AP5M1: variants seen among roughly 807,000 people sequenced by gnomAD.
The protein encoded by AP5M1 is AP-5 complex subunit mu-1.
AP5M1 carries 44 observed loss-of-function variants against 52.3 expected under a neutral mutation model. The ratio of observed to expected loss-of-function variants is 0.84; its 90% CI spans 0.66 to 1.08. The LOEUF is 1.08. AP5M1 is among the 50% of genes least tolerant of loss of function. AP5M1 has a pLI of 0.00. For missense variants in AP5M1, 526 were observed against 568.4 expected (o/e 0.93, Z 0.76); for synonymous variants, 213 against 199.0 (o/e 1.07, Z -0.59).
chr14:57,276,212 T>C (rs1885032330), intron 2 of AP5M1, among the ~76,000 whole-genome samples: 1 of 152,214 alleles, frequency 6.6e-6, no homozygotes, highest in African/African-American at 2.4e-5. Context: ...ATTGAGGTGT[T>C]CATGGATTAT....
intron 6 of AP5M1, among the ~76,000 whole-genome samples, chr14:57,284,333 A>G (rs1171354657): frequency 6.6e-6 from 1 of 152,208 alleles, no homozygotes; most frequent in Non-Finnish European, 1.5e-5. Flanking sequence ...TTAGATTAAG[A>G]TTATAGAGGG....
At position 57,282,025 on chromosome 14, in the gene AP5M1, G is replaced by A. The variant is rs1885190867; in HGVS notation, c.949-64G>A. 5.8e-6 allele frequency: 8 copies of A among 1,375,258 alleles called. 1 individual carries two copies. The highest frequency in any genetic ancestry group is 7.8e-6 in the Non-Finnish European group (8 of 1,025,104). 85.2% of individuals were successfully genotyped at this position (1,375,258 alleles called of 1,614,324 possible). On this transcript the variant is annotated intron_variant, in intron 3 of 7. Transcript: ENST00000261558. ...GTCATTAAAAGTAACTCTTTTCTCAGTTACTTTTGTTGTTTTAGACTCATT... is the reference window on the plus strand; with the variant it reads ...GTCATTAAAAGTAACTCTTTTCTCAATTACTTTTGTTGTTTTAGACTCATT...
rs888422022 is a variant in AP5M1 at position 57,269,216 on chromosome 14, CAG to C, written c.-98_-97del. The C allele has an allele frequency of 1.1e-5, 13 of 1,177,182 alleles. No homozygotes were observed. The African/African-American group carries it at 1.4e-4, about 12-fold the overall frequency. 72.9% of individuals were successfully genotyped at this position (1,177,182 alleles called of 1,614,324 possible). A position where few individuals can be genotyped will look rare whatever the true frequency, so the allele number is the denominator to read the frequency against. On this transcript the variant is annotated 5_prime_UTR_variant, in exon 1 of 8. The change creates a premature stop within an existing upstream ORF in the 5' untranslated region. Transcript: ENST00000261558. ...CCGGTATGCGGCGCAGGATGAGCCT[CAG>C]GGCTTCTGTTAAGAGTCTGTCTGAG... is the stretch of plus-strand genomic sequence containing the variant.
intron 1 of AP5M1, 93 bp from the exon 2 acceptor site, chr14:57,274,149 ACT>A: frequency 7.6e-7 from 1 of 1,320,608 alleles, no homozygotes; most frequent in Non-Finnish European, 1.0e-6. Flanking sequence ...TATTGTTATT[ACT>A]GTTTGCCTTA....
chr14:57,283,037 A>G lies in AP5M1; in HGVS notation c.1174+18A>G, dbSNP rs1885221496. 1 of 1,578,514 alleles carries G rather than the reference A, an allele frequency of 6.3e-7. No individual in the cohort carries two copies. Among genetic ancestry groups the G allele is most frequent in the Non-Finnish European group, 8.6e-7 (1 of 1,159,234 alleles). ...GATTATTGGTGAGCAAGTTTTATTT[A>G]TTGATTTTTTTTCTTTTCATTTACT... On this transcript the variant is annotated intron_variant, in intron 5 of 7. Coordinates refer to ENST00000261558, the MANE Select transcript of AP5M1 (RefSeq NM_018229.4).
chr14:57,283,301 T>C, intron 6 of AP5M1, 71 bp downstream of exon 6: 4 of 857,256 alleles, frequency 4.7e-6, no homozygotes, highest in Non-Finnish European at 7.3e-6. Flanking sequence ...TTCTAGTTGA[T>C]TTTTAATGTT....
chr14:57,284,547 G>A (rs1885262464), intron 6 of AP5M1, among the ~76,000 whole-genome samples: 1 of 152,158 alleles, frequency 6.6e-6, no homozygotes, highest in Non-Finnish European at 1.5e-5. Context: ...CTGAGTTAGT[G>A]TAGTGTCAAC....
In AP5M1 at chr14:57,293,679, A is replaced by G. The variant is rs1885489592; in HGVS notation, c.*4795A>G. ...CGTGCAGTCATATTTAATCAATAAA[A>G]CAGGATATATTTTGAAATTCACCAT... is the stretch of plus-strand genomic sequence containing the variant. On this transcript the variant is annotated 3_prime_UTR_variant, in exon 8 of 8. Coordinates refer to ENST00000261558, the MANE Select transcript of AP5M1 (RefSeq NM_018229.4). 1 of 151,656 alleles carries G rather than the reference A, an allele frequency of 6.6e-6. No homozygotes were observed. Among genetic ancestry groups the G allele is most frequent in the African/African-American group, 2.4e-5 (1 of 41,360 alleles). 9.4% of individuals were successfully genotyped at this position (151,656 alleles called of 1,614,324 possible).
chr14:57,274,142 T>C, intron 1 of AP5M1, 102 bp from the exon 2 acceptor site: 1 of 1,275,440 alleles, frequency 7.8e-7, no homozygotes, highest in Non-Finnish European at 1.1e-6. Context: ...TGTATTTTAT[T>C]GTTATTACTG....
rs751602065 is a variant in AP5M1, at chr14:57,288,869, A to G, written c.1458A>G (p.Gly486=). Residue 486 remains glycine (G), a synonymous_variant, in exon 8 of 8, where the codon GGA becomes GGG. Coordinates refer to ENST00000261558, the MANE Select transcript of AP5M1 (RefSeq NM_018229.4). ...AAGCCCCTGCTCCAGTAACATATGG[A>G]TCATTATTATTGTAATAGTCTCATG... ...NSKAPAPVTY[G]SLLL is the part of the protein sequence containing the mutation. 7 of 1,545,790 alleles carry G rather than the reference A, an allele frequency of 4.5e-6. No individual in the cohort carries two copies. In the East Asian group the frequency reaches 9.0e-5, roughly 20 times the overall value.
In AP5M1 at chr14:57,291,392, A is replaced by T. The variant is rs1885431301; in HGVS notation, c.*2508A>T. ...TCGAAAGGTTAAAAAAAAAAGTGTT[A>T]ATTTTTTAGAATGAACTCCAGAAAA... On this transcript the variant is annotated 3_prime_UTR_variant, in exon 8 of 8. Transcript: ENST00000261558. 6.6e-6 allele frequency: 1 copy of T among 151,846 alleles called. No individual in the cohort carries two copies. The highest frequency in any genetic ancestry group is 1.5e-5 in the Non-Finnish European group (1 of 67,842). The allele number at this position is 151,846 out of a possible 1,614,324, so 9.4% of individuals were successfully genotyped here.
intron 1 of AP5M1, 71 bp downstream of exon 1, chr14:57,269,459 T>C: frequency 6.5e-7 from 1 of 1,532,924 alleles, no homozygotes; most frequent in Non-Finnish European, 9.0e-7. Flanking sequence ...TTTGTGGTGC[T>C]TCGTGGCCCA....
chr14:57,282,588 T>A (rs146619394), intron 4 of AP5M1, among the ~76,000 whole-genome samples: 1 of 152,334 alleles, frequency 6.6e-6, no homozygotes, highest in Non-Finnish European at 1.5e-5. Context: ...TTATCAATTC[T>A]ACTTTTAAAT....
Position 57,274,414 on chromosome 14 carries a change from C to T in AP5M1, c.245C>T (p.Ser82Phe), listed in dbSNP as rs752677166. ...RDSCSRINKT[S>F]IYGLLIGGEE... is the part of the protein sequence containing the mutation. ...AGCTGTTCACGCATCAATAAAACAT[C>T]CATTTATGGACTCCTGATAGGAGGT... The change falls in exon 2 of 8, where the codon TCC (serine) becomes TTC (phenylalanine). Residue 82 changes from serine (S) to phenylalanine (F), a missense_variant. This residue lies in a region of AP5M1 where 425 missense variants were observed against 430.6 expected (regional missense o/e 0.99). Transcript: ENST00000261558. 3.1e-6 allele frequency: 5 copies of T among 1,613,968 alleles called. No homozygotes were observed. The East Asian group carries it at 8.9e-5, about 29-fold the overall frequency.
rs756130108 is a variant in AP5M1 at position 57,274,817 on chromosome 14, G to A, written c.648G>A (p.Lys216=). 1.7e-5 allele frequency: 28 copies of A among 1,614,006 alleles called. No individual in the cohort carries two copies. Among genetic ancestry groups the A allele is most frequent in the East Asian group, 2.2e-5 (1 of 44,886 alleles). The part of the protein sequence containing the change: ...KPQVSISITE[K]VKSMQYDKQG... ...AAGTTTCTATTTCTATCACTGAAAA[G>A]GTAAAATCCATGCAATATGATAAAC... Residue 216 remains lysine (K), a synonymous_variant, in exon 2 of 8, where the codon AAG becomes AAA. Transcript: ENST00000261558.
chr14:57,279,074 G>A (rs768229069), intron 2 of AP5M1, among the ~76,000 whole-genome samples: 6 of 152,278 alleles, frequency 3.9e-5, no homozygotes, highest in Admixed American at 6.5e-5. Flanking sequence ...CACTTTTACC[G>A]TGTTGGTGAG....
intron 7 of AP5M1, among the ~76,000 whole-genome samples, chr14:57,287,041 T>C (rs956921709): frequency 6.7e-6 from 1 of 150,268 alleles, no homozygotes; most frequent in Non-Finnish European, 1.5e-5. Flanking sequence ...CATATGAAAA[T>C]ATGAGACAAA....
chr14:57,296,162 A>G lies in AP5M1; in HGVS notation c.*7278A>G, dbSNP rs1325532355. The stretch of plus-strand genomic sequence containing the variant: ...TCTTACACTTTAGAAATTGAAATAT[A>G]GTATTTAACAGGGATTAAAATGTTT... On this transcript the variant is annotated 3_prime_UTR_variant, in exon 8 of 8. Coordinates refer to ENST00000261558, the MANE Select transcript of AP5M1 (RefSeq NM_018229.4). 6.6e-6 allele frequency: 1 copy of G among 152,086 alleles called. No individual in the cohort carries two copies. The highest frequency in any genetic ancestry group is 1.5e-5 in the Non-Finnish European group (1 of 67,966). 9.4% of individuals were successfully genotyped at this position (152,086 alleles called of 1,614,324 possible). A position where few individuals can be genotyped will look rare whatever the true frequency, so the allele number is the denominator to read the frequency against.
At position 57,280,334 on chromosome 14, in the gene AP5M1, C is replaced by T. The variant is rs1465738528; in HGVS notation, c.860C>T (p.Ala287Val). The T allele has an allele frequency of 1.9e-6, 3 of 1,613,704 alleles. No individual in the cohort carries two copies. Among genetic ancestry groups the T allele is most frequent in the Non-Finnish European group, 1.7e-6 (2 of 1,179,756 alleles). ...ATTCTGACTTCTAGTAGTATTGATG[C>T]AATGGATGACTCTGCATTTAGTGGG... is the stretch of plus-strand genomic sequence containing the variant. ...SAILTSSSID[A>V]MDDSAFSGPY... Residue 287 changes from alanine to valine, a missense_variant, in exon 3 of 8, where the codon GCA (alanine) becomes GTA (valine). Physicochemically the swap from Ala to Val is moderately conservative, Grantham distance 64. This residue lies in a region of AP5M1 where 425 missense variants were observed against 430.6 expected (regional missense o/e 0.99). Transcript: ENST00000261558.
Sources: allele counts gnomAD v4.1 joint callset (sites outside exome capture counted in the v4.1 genomes callset), GRCh38; gene constraint gnomAD v4.1.1; regional missense constraint gnomAD v4.1.1; transcripts MANE v1.5; gene names NCBI Gene and HGNC (gene_info 2026-07-23, HGNC 2026-07-21).